Variants in FGF14 observed in about 807,000 individuals in gnomAD.
The protein encoded by FGF14 is fibroblast growth factor homologous factor 4.
In FGF14, 5 loss-of-function variants were observed where a neutral mutation model predicts 25.5. The ratio of observed to expected loss-of-function variants is 0.20; its 90% CI spans 0.10 to 0.41. The LOEUF (loss-of-function observed/expected upper bound fraction) is 0.41. Ranked by LOEUF, FGF14 falls within the 10% of genes least tolerant of loss-of-function variation. FGF14 has a pLI of 1.00. For synonymous variants in FGF14, 138 were observed against 118.3 expected (o/e 1.17, Z -1.08); for missense variants, 222 against 320.1 (o/e 0.69, Z 2.34).
intron 1 of FGF14, among the ~76,000 whole-genome samples, chr13:102,398,897 A>T (rs4771428): frequency 1.4e-5 from 2 of 147,260 alleles, no homozygotes; most frequent in South Asian, 4.2e-4. Context: ...TATAATATAT[A>T]ATATATATAT....
intron 1 of FGF14, among the ~76,000 whole-genome samples, chr13:102,133,428 T>C (rs1464037787): frequency 6.6e-6 from 1 of 152,228 alleles, no homozygotes; most frequent in Non-Finnish European, 1.5e-5. Flanking sequence ...ATCAGTTCTC[T>C]ATAACATGTG....
intron 1 of FGF14, among the ~76,000 whole-genome samples, chr13:102,164,253 C>A (rs1393943676): frequency 1.3e-5 from 2 of 152,178 alleles, no homozygotes; most frequent in African/African-American, 2.4e-5. Flanking sequence ...AGCCTGACTT[C>A]TAAAATCTCC....
chr13:101,968,726 G>T (rs1022867555), intron 1 of FGF14, among the ~76,000 whole-genome samples: 1 of 145,378 alleles, frequency 6.9e-6, no homozygotes, highest in Non-Finnish European at 1.5e-5. Flanking sequence ...TTATACTTAA[G>T]AATACCACAA....
intron 1 of FGF14, among the ~76,000 whole-genome samples, chr13:101,881,516 A>C (rs1408593853): frequency 1.3e-5 from 2 of 152,214 alleles, no homozygotes; most frequent in African/African-American, 2.4e-5. Context: ...TTAAATCCTA[A>C]ATATCAATTA....
intron 1 of FGF14, among the ~76,000 whole-genome samples, chr13:102,087,407 C>CTTTCTT (rs2043958613): frequency 1.2e-5 from 1 of 84,446 alleles, no homozygotes; most frequent in Admixed American, 1.7e-4. Context: ...ACTGTAATTT[C>CTTTCTT]TTTTTTTTTT....
chr13:101,864,397 T>C (rs1461445151), intron 3 of FGF14, among the ~76,000 whole-genome samples: 1 of 152,134 alleles, frequency 6.6e-6, no homozygotes, highest in African/African-American at 2.4e-5. Context: ...CCAGATACCA[T>C]TGCAGCAATG....
intron 1 of FGF14, among the ~76,000 whole-genome samples, chr13:102,260,915 C>G (rs1781779653): frequency 6.6e-6 from 1 of 152,200 alleles, no homozygotes; most frequent in African/African-American, 2.4e-5. Flanking sequence ...CCTTTCCTAA[C>G]TCCTCCAGAG....
intron 1 of FGF14, among the ~76,000 whole-genome samples, chr13:102,254,003 T>C (rs756327741): frequency 1.3e-5 from 2 of 152,148 alleles, no homozygotes; most frequent in Non-Finnish European, 1.5e-5. Context: ...TTTGAACTAA[T>C]ACAGGTCAAG....
intron 1 of FGF14, among the ~76,000 whole-genome samples, chr13:102,101,004 C>T (rs570462265): frequency 4.0e-5 from 6 of 151,770 alleles, no homozygotes; most frequent in Admixed American, 2.6e-4. Flanking sequence ...GAGGCTGAGG[C>T]GGAAGATTTG....
chr13:102,033,504 C>A (rs989858626), intron 1 of FGF14, among the ~76,000 whole-genome samples: 1 of 152,088 alleles, frequency 6.6e-6, no homozygotes, highest in Non-Finnish European at 1.5e-5. Flanking sequence ...CACGCACACA[C>A]ACACACACAC....
At chr13:101,845,603 T>C (rs764505478) in intron 3 of FGF14, among the ~76,000 whole-genome samples, 3 of 151,864 alleles carry the variant, frequency 2.0e-5, no homozygotes, top group Admixed American at 6.6e-5. Flanking sequence ...AAATGAAGTA[T>C]GAGACAGAAA....
intron 1 of FGF14, among the ~76,000 whole-genome samples, chr13:102,036,472 G>C (rs1478960995): frequency 6.6e-6 from 1 of 152,156 alleles, no homozygotes; most frequent in Admixed American, 6.6e-5. Flanking sequence ...TCCTGAAATG[G>C]GAGAGAGGGA....
At chr13:102,210,153 A>T (rs936848209) in intron 1 of FGF14, among the ~76,000 whole-genome samples, 25 of 151,492 alleles carry the variant, frequency 1.7e-4, no homozygotes, top group East Asian at 3.9e-4. Flanking sequence ...AGAAAAAAAA[A>T]TTTTTAATTT....
In FGF14 at chr13:101,717,923, C is replaced by G. The variant is rs2034787975; in HGVS notation, c.*4908G>C. Reference sequence around the variant, plus strand: ...AACAACAACAACTACAACAAAAGTGCTGCTCTTTTTCATAGTCTCATGTAA... The same window carrying G: ...AACAACAACAACTACAACAAAAGTGGTGCTCTTTTTCATAGTCTCATGTAA... On this transcript the variant is annotated 3_prime_UTR_variant, in exon 5 of 5. Transcript: ENST00000376143. 6.6e-6 allele frequency: 1 copy of G among 152,122 alleles called. No individual in the cohort carries two copies. Among genetic ancestry groups the G allele is most frequent in the East Asian group, 1.9e-4 (1 of 5,184 alleles). 9.4% of individuals were successfully genotyped at this position (152,122 alleles called of 1,614,324 possible). A position where few individuals can be genotyped will look rare whatever the true frequency, so the allele number is the denominator to read the frequency against.
At chr13:102,237,035 G>A (rs193221248) in intron 1 of FGF14, among the ~76,000 whole-genome samples, 3 of 152,280 alleles carry the variant, frequency 2.0e-5, no homozygotes, top group African/African-American at 4.8e-5. Flanking sequence ...GTGTGATCAC[G>A]CCTCACAGGT....
chr13:102,286,354 C>T (rs899209416), intron 1 of FGF14, among the ~76,000 whole-genome samples: 2 of 151,924 alleles, frequency 1.3e-5, no homozygotes, highest in African/African-American at 4.8e-5. Flanking sequence ...CAAGTTCCAC[C>T]TCTTCCACAA....
intron 1 of FGF14, among the ~76,000 whole-genome samples, chr13:102,160,036 T>C (rs932125174): frequency 1.3e-5 from 2 of 152,200 alleles, no homozygotes; most frequent in Middle Eastern, 3.2e-3. Flanking sequence ...TCATCTCTTA[T>C]TCAAGGCTGT....
intron 1 of FGF14, among the ~76,000 whole-genome samples, chr13:102,266,838 GC>G (rs2053013964): frequency 6.6e-6 from 1 of 151,962 alleles, no homozygotes; most frequent in East Asian, 1.9e-4. Context: ...TAAAACACAA[GC>G]TTGAAAAGCA....
intron 1 of FGF14, among the ~76,000 whole-genome samples, chr13:102,065,895 A>AACATAATG (rs1455154274): frequency 1.3e-5 from 2 of 152,142 alleles, no homozygotes; most frequent in Admixed American, 6.5e-5. Context: ...CATAATGAAT[A>AACATAATG]AACCATTAAT....
Sources: gnomAD v4.1 joint callset for allele counts (sites outside exome capture counted in the v4.1 genomes callset) on GRCh38, gnomAD v4.1.1 for gene constraint, MANE v1.5 for transcripts, NCBI Gene and HGNC (gene_info 2026-07-23, HGNC 2026-07-21) for gene names.